The following SOS2 variants were observed in gnomAD, a reference collection of about 807,000 sequenced individuals.
SOS2 encodes son of sevenless homolog 2.
In SOS2, 65 loss-of-function variants were observed where a neutral mutation model predicts 148.2. The ratio of observed to expected loss-of-function variants is 0.44; its 90% CI spans 0.36 to 0.54. The LOEUF (loss-of-function observed/expected upper bound fraction) is 0.54. Among genes scored for constraint, SOS2 ranks in the 20% least tolerant of loss-of-function variants. The pLI, the probability that SOS2 is intolerant of heterozygous loss-of-function variation, is 0.00. For synonymous variants in SOS2, 539 were observed against 537.1 expected (o/e 1.00, Z -0.05); for missense variants, 1,341 against 1,590.2 (o/e 0.84, Z 2.67).
intron 18 of SOS2, among the ~76,000 whole-genome samples, chr14:50,134,546 T>A (rs1594961565): frequency 6.6e-6 from 1 of 152,312 alleles, no homozygotes; most frequent in South Asian, 2.1e-4. Flanking sequence ...CTTAGGAAAC[T>A]TTACTCCTAC....
intron 1 of SOS2, among the ~76,000 whole-genome samples, chr14:50,219,521 C>T (rs1334567859): frequency 6.6e-6 from 1 of 152,000 alleles, no homozygotes; most frequent in Non-Finnish European, 1.5e-5. Flanking sequence ...GGGATGTCTC[C>T]TGAGAGTGGG....
chr14:50,218,453 G>T (rs996665324), intron 1 of SOS2, among the ~76,000 whole-genome samples: 2 of 151,822 alleles, frequency 1.3e-5, no homozygotes, highest in African/African-American at 4.8e-5. Context: ...AACCCGGAAG[G>T]CGGAGGGTGC....
chr14:50,136,279 T>C (rs74049159), intron 18 of SOS2, among the ~76,000 whole-genome samples: 32 of 152,326 alleles, frequency 2.1e-4, no homozygotes, highest in African/African-American at 7.5e-4. Context: ...AATAGCTACT[T>C]TGTCTACATT....
At chr14:50,203,440 C>T (rs1050652792) in intron 2 of SOS2, among the ~76,000 whole-genome samples, 1 of 151,852 alleles carries the variant, frequency 6.6e-6, no homozygotes, top group African/African-American at 2.4e-5. Context: ...GAAAATAATA[C>T]CAATTTTATT....
intron 17 of SOS2, 37 bp downstream of exon 17, chr14:50,139,905 G>A (rs368731094): frequency 1.3e-5 from 13 of 1,024,044 alleles, no homozygotes; most frequent in Non-Finnish European, 1.7e-5. Context: ...GCTATCACAC[G>A]CTCACCCTCA....
intron 9 of SOS2, 112 bp downstream of exon 9, chr14:50,161,370 G>A (rs1031916581): frequency 2.1e-5 from 17 of 808,918 alleles, no homozygotes; most frequent in Non-Finnish European, 3.2e-5. Context: ...AGTATGACAA[G>A]CACAACTTTC....
chr14:50,149,702 AACTGACTTGACTG>A (rs1884602432), intron 14 of SOS2, among the ~76,000 whole-genome samples: 1 of 152,206 alleles, frequency 6.6e-6, no homozygotes, highest in African/African-American at 2.4e-5. Flanking sequence ...CATCCATACT[AACTGACTTGACTG>A]ACTGACCTCA....
chr14:50,184,890 G>T (rs113758591), intron 5 of SOS2, among the ~76,000 whole-genome samples: 2,334 of 139,788 alleles, frequency 0.017, 71 homozygotes, highest in African/African-American at 0.057. Flanking sequence ...AAAAAAAAAA[G>T]GGCAGGGGTG....
chr14:50,123,483 G>A (rs951477222), intron 21 of SOS2, among the ~76,000 whole-genome samples: 3 of 145,214 alleles, frequency 2.1e-5, no homozygotes, highest in Admixed American at 7.2e-5. Context: ...CCGGATTCAA[G>A]CAATTCTCCT....
At position 50,231,317 on chromosome 14, in the gene SOS2, G is replaced by T; in HGVS notation, c.-34C>A. ...CGACAGCGCCTCCGCATCGGGGGCA[G>T]CCCGCGGGCCGGGCCGGTGGCCTGA... On this transcript the variant is annotated 5_prime_UTR_variant, in exon 1 of 23. The change creates a new upstream start codon in the 5' untranslated region. Coordinates refer to ENST00000216373, the MANE Select transcript of SOS2 (RefSeq NM_006939.4). 1 of 1,262,036 alleles carries T rather than the reference G, an allele frequency of 7.9e-7. No homozygotes were observed. The highest frequency in any genetic ancestry group is 1.0e-6 in the Non-Finnish European group (1 of 957,950). 78.2% of individuals were successfully genotyped at this position (1,262,036 alleles called of 1,614,324 possible).
Position 50,188,589 on chromosome 14 carries a change from C to T in SOS2, c.622G>A (p.Ala208Thr), listed in dbSNP as rs61755579. The change falls in exon 5 of 23, where the codon GCA becomes ACA. Residue 208 changes from alanine (A) to threonine (T), a missense_variant. Ala to Thr is a moderately conservative substitution (Grantham distance 58). This residue lies in a region of SOS2 where 574 missense variants were observed against 711.1 expected (regional missense o/e 0.81). Transcript: ENST00000216373. Reference sequence around the variant, plus strand: ...TCCCGTAGATACTGTCTTTCTTCTGCGATTTCAGTTCTGACAAGATCATAG... The same window carrying T: ...TCCCGTAGATACTGTCTTTCTTCTGTGATTTCAGTTCTGACAAGATCATAG... ...NYYDLVRTEI[A>T]EERQYLRELN... 0.024 allele frequency: 38,772 copies of T among 1,606,596 alleles called. 545 individuals are homozygous for T. The highest frequency in any genetic ancestry group is 0.029 in the Non-Finnish European group (33,964 of 1,176,686).
chr14:50,222,170 T>C (rs1887222236), intron 1 of SOS2, among the ~76,000 whole-genome samples: 1 of 152,196 alleles, frequency 6.6e-6, no homozygotes, highest in African/African-American at 2.4e-5. Flanking sequence ...GCAACTGTTT[T>C]ACCTTAAAAC....
intron 12 of SOS2, among the ~76,000 whole-genome samples, chr14:50,153,833 G>A (rs774825251): frequency 3.3e-5 from 5 of 152,192 alleles, no homozygotes; most frequent in South Asian, 2.1e-4. Flanking sequence ...GGCTGGTCTC[G>A]AACTCCTGAT....
intron 8 of SOS2, among the ~76,000 whole-genome samples, chr14:50,170,343 T>A (rs933369030): frequency 5.3e-5 from 8 of 151,992 alleles, no homozygotes; most frequent in African/African-American, 1.9e-4. Context: ...AGAAAAAAAA[T>A]CACTTCTTGA....
Position 50,130,580 on chromosome 14 carries a change from T to C in SOS2, c.3258A>G (p.Pro1086=). 6.2e-7 allele frequency: 1 copy of C among 1,614,044 alleles called. No homozygotes were observed. Among genetic ancestry groups the C allele is most frequent in the Non-Finnish European group, 8.5e-7 (1 of 1,179,930 alleles). Residue 1086 remains proline (P), a synonymous_variant, in exon 20 of 23, where the codon CCA becomes CCG. Coordinates refer to ENST00000216373, the MANE Select transcript of SOS2 (RefSeq NM_006939.4). The part of the protein sequence containing the change: ...LESTVSAPTS[P]NTPSTPPVSA... ...ATACTGGTGGAGTAGATGGTGTATT[T>C]GGAGAGGTTGGTGCTGACACTGTTG...
intron 19 of SOS2, 103 bp downstream of exon 19, chr14:50,134,020 G>A: frequency 1.4e-6 from 1 of 736,558 alleles, no homozygotes; most frequent in Admixed American, 2.2e-5. Flanking sequence ...AAAACACCTA[G>A]GAACAGCCAT....
intron 1 of SOS2, among the ~76,000 whole-genome samples, chr14:50,216,146 A>C (rs1265913779): frequency 6.7e-6 from 1 of 150,114 alleles, no homozygotes; most frequent in African/African-American, 2.5e-5. Flanking sequence ...CCCAGGCTGG[A>C]GTGCAGTGGC....
intron 6 of SOS2, among the ~76,000 whole-genome samples, chr14:50,181,179 T>C (rs542356003): frequency 1.3e-5 from 2 of 152,240 alleles, no homozygotes; most frequent in East Asian, 3.9e-4. Flanking sequence ...CTGGGCGCGG[T>C]GGCTCATGCC....
At chr14:50,145,710 T>C (rs760449972) in intron 14 of SOS2, 114 bp from the exon 15 acceptor site, 5 of 625,552 alleles carry the variant, frequency 8.0e-6, no homozygotes, top group African/African-American at 3.7e-5. Flanking sequence ...TGAACACATA[T>C]ATGAACAAGT....
Sources: gnomAD v4.1 joint callset for allele counts (sites outside exome capture counted in the v4.1 genomes callset) on GRCh38, gnomAD v4.1.1 for gene constraint, gnomAD v4.1.1 regional missense constraint, MANE v1.5 for transcripts, NCBI Gene and HGNC (gene_info 2026-07-23, HGNC 2026-07-21) for gene names.